PTPRT: variants seen among roughly 807,000 people sequenced by gnomAD.
PTPRT encodes receptor-type tyrosine-protein phosphatase T.
Under a neutral mutation model 176.8 loss-of-function variants are expected in PTPRT, and 56 were observed. The ratio of observed to expected loss-of-function variants is 0.32; its 90% confidence interval spans 0.26 to 0.40. The LOEUF (loss-of-function observed/expected upper bound fraction) is 0.40. Among genes scored for constraint, PTPRT ranks in the 10% least tolerant of loss-of-function variants. The pLI is 1.00. For missense variants in PTPRT, 1,540 were observed against 1,908.2 expected (o/e 0.81, Z 3.60); for synonymous variants, 783 against 739.0 (o/e 1.06, Z -0.96).
chr20:43,186,299 T>G (rs1261893270), intron 1 of PTPRT, among the ~76,000 whole-genome samples: 3 of 152,180 alleles, frequency 2.0e-5, no homozygotes, highest in Non-Finnish European at 2.9e-5. Flanking sequence ...CTCATACTCT[T>G]TTCTCCAAAC....
intron 2 of PTPRT, among the ~76,000 whole-genome samples, chr20:42,826,119 G>A (rs2077988241): frequency 6.6e-6 from 1 of 151,964 alleles, no homozygotes; most frequent in Non-Finnish European, 1.5e-5. Context: ...CAAGGATTCT[G>A]TGGCCAGCTG....
At chr20:42,438,506 C>T (rs1375893283) in intron 9 of PTPRT, among the ~76,000 whole-genome samples, 1 of 152,092 alleles carries the variant, frequency 6.6e-6, no homozygotes, top group Non-Finnish European at 1.5e-5. Flanking sequence ...TAGAACAATC[C>T]TAAGGATGAA....
chr20:42,145,903 C>G (rs1988849760), intron 17 of PTPRT, among the ~76,000 whole-genome samples: 1 of 152,192 alleles, frequency 6.6e-6, no homozygotes, highest in Non-Finnish European at 1.5e-5. Context: ...TGACCTAAAT[C>G]TGGGTATGGC....
In PTPRT at chr20:42,780,316, G is replaced by A. The variant is rs61105564; in HGVS notation, c.487-17C>T. The A allele has an allele frequency of 0.015, 23,620 of 1,602,982 alleles. 484 individuals are homozygous for A. Among genetic ancestry groups the A allele is most frequent in the African/African-American group, 0.083 (6,192 of 74,750 alleles). ...AAATATCACCTGCAACACACAGGGCGGGAGTCAATTTCACAGAAACAGTTG... is the reference window on the plus strand; with the variant it reads ...AAATATCACCTGCAACACACAGGGCAGGAGTCAATTTCACAGAAACAGTTG... On this transcript the variant is annotated splice_polypyrimidine_tract_variant and intron_variant, in intron 3 of 30. Coordinates refer to ENST00000373187, the MANE Select transcript of PTPRT (RefSeq NM_007050.6).
chr20:42,117,671 C>A (rs750833560), intron 21 of PTPRT, among the ~76,000 whole-genome samples: 11 of 152,062 alleles, frequency 7.2e-5, no homozygotes, highest in Admixed American at 1.3e-4. Context: ...GTGATATTGA[C>A]AATATCACTA....
chr20:42,280,353 TG>T (rs1166893260), intron 13 of PTPRT, among the ~76,000 whole-genome samples: 1 of 152,166 alleles, frequency 6.6e-6, no homozygotes, highest in Admixed American at 6.5e-5. Flanking sequence ...AGGGGATAAC[TG>T]AACTGTGTCC....
intron 7 of PTPRT, among the ~76,000 whole-genome samples, chr20:42,636,212 G>C (rs2074596303): frequency 6.6e-6 from 1 of 152,026 alleles, no homozygotes; most frequent in Non-Finnish European, 1.5e-5. Flanking sequence ...AGTTTCAAGG[G>C]AGGGCAAAAG....
rs377163242 is a variant in PTPRT, at chr20:42,931,112, G to C, written c.89-45180C>G. Among the ~76,000 whole-genome samples, 10 of 152,274 alleles carry C rather than the reference G, an allele frequency of 6.6e-5. No homozygotes were observed. The East Asian group carries it at 1.5e-3, about 24-fold the overall frequency. Reference sequence around the variant, plus strand: ...GAACAGGAGTGGGGGTAAGGAGTTAGACTTGGACAAGAGCAGGGCTAAGAT... The same window carrying C: ...GAACAGGAGTGGGGGTAAGGAGTTACACTTGGACAAGAGCAGGGCTAAGAT... On this transcript the variant is annotated intron_variant, in intron 1 of 30. Coordinates refer to ENST00000373187, the MANE Select transcript of PTPRT (RefSeq NM_007050.6).
intron 6 of PTPRT, among the ~76,000 whole-genome samples, chr20:42,751,369 C>G (rs1288345443): frequency 6.6e-6 from 1 of 152,166 alleles, no homozygotes; most frequent in Admixed American, 6.5e-5. Context: ...TGTCCCCAGA[C>G]CCGGGAATCA....
chr20:42,932,671 C>T (rs1979936850), intron 1 of PTPRT, among the ~76,000 whole-genome samples: 1 of 152,218 alleles, frequency 6.6e-6, no homozygotes, highest in African/African-American at 2.4e-5. Context: ...TCCTGGCAAA[C>T]CACGACAGCT....
At chr20:43,187,246 C>A (rs1291316398) in intron 1 of PTPRT, among the ~76,000 whole-genome samples, 1 of 152,078 alleles carries the variant, frequency 6.6e-6, no homozygotes, top group African/African-American at 2.4e-5. Flanking sequence ...ATTTTCAGAT[C>A]AAAAGAACAT....
intron 9 of PTPRT, among the ~76,000 whole-genome samples, chr20:42,357,080 T>A (rs2058368243): frequency 6.6e-6 from 1 of 152,214 alleles, no homozygotes; most frequent in African/African-American, 2.4e-5. Context: ...CCACTAACTT[T>A]CCATGTAACC....
At position 42,345,392 on chromosome 20, in the gene PTPRT, C is replaced by CACAT. The variant is rs34632070; in HGVS notation, c.1865+5235_1865+5236insATGT. On this transcript the variant is annotated intron_variant, in intron 11 of 30. Coordinates refer to ENST00000373187, the MANE Select transcript of PTPRT (RefSeq NM_007050.6). ...ACACACACACACACACACACACACA[C>CACAT]ATATATATATAAAACTAGTTACTAT... is the stretch of plus-strand genomic sequence containing the variant. Among the ~76,000 whole-genome samples the CACAT allele has an allele frequency of 2.9e-3, 373 of 130,264 alleles. 2 individuals carry two copies. Among genetic ancestry groups the CACAT allele is most frequent in the African/African-American group, 0.01 (363 of 35,560 alleles). The allele number at this position is 130,264 out of a possible 152,430, so 85.5% of individuals were successfully genotyped here.
intron 1 of PTPRT, among the ~76,000 whole-genome samples, chr20:43,026,497 G>C (rs573818401): frequency 6.6e-6 from 1 of 152,088 alleles, no homozygotes; most frequent in Admixed American, 6.5e-5. Context: ...GAGATATATT[G>C]ATACAGGCAT....
intron 2 of PTPRT, among the ~76,000 whole-genome samples, chr20:42,859,896 T>A (rs1488728089): frequency 6.6e-6 from 1 of 152,080 alleles, no homozygotes; most frequent in African/African-American, 2.4e-5. Context: ...CCAGCCAGTT[T>A]GATATGGATA....
chr20:42,115,478 T>C (rs1386013941), intron 21 of PTPRT, among the ~76,000 whole-genome samples, 163 bp from the exon 22 acceptor site: 2 of 152,330 alleles, frequency 1.3e-5, no homozygotes, highest in Non-Finnish European at 2.9e-5. Flanking sequence ...TGGCCAGGGA[T>C]CAGCAAGCTG....
intron 11 of PTPRT, among the ~76,000 whole-genome samples, chr20:42,348,950 G>A (rs567184477): frequency 6.6e-6 from 1 of 152,300 alleles, no homozygotes; most frequent in Admixed American, 6.5e-5. Context: ...GCAAAACCAA[G>A]AGTATAGAGA....
rs1555830573 is a variant in PTPRT, at chr20:42,350,229, T to TTGTTGTTTTG, written c.1865+398_1865+399insCAAAACAACA. Among the ~76,000 whole-genome samples the TTGTTGTTTTG allele has an allele frequency of 5.7e-4, 55 of 96,136 alleles. 2 individuals are homozygous for TTGTTGTTTTG. The highest frequency in any genetic ancestry group is 1.4e-3 in the African/African-American group (36 of 25,572). The allele number at this position is 96,136 out of a possible 152,430, so 63.1% of individuals were successfully genotyped here. ...GATGTTTCTTGTTTTTTTTTTTTTT[T>TTGTTGTTTTG]TTTTTTTTTTTTTTTTTGAGACAGG... is the stretch of plus-strand genomic sequence containing the variant. On this transcript the variant is annotated intron_variant, in intron 11 of 30. Coordinates refer to ENST00000373187, the MANE Select transcript of PTPRT (RefSeq NM_007050.6).
At chr20:42,066,731 G>T in the PTPRT span, among the ~76,000 whole-genome samples, 1 of 152,070 alleles carries the variant, frequency 6.6e-6, no homozygotes, top group African/African-American at 2.4e-5. Context: ...ACATCATCAA[G>T]ATTTTAAAAT....
Sources: allele counts gnomAD v4.1 joint callset (sites outside exome capture counted in the v4.1 genomes callset), GRCh38; gene constraint gnomAD v4.1.1; transcripts MANE v1.5; gene names NCBI Gene and HGNC (gene_info 2026-07-23, HGNC 2026-07-21).